Variants in TMEM117 observed in about 807,000 individuals in gnomAD.
The protein encoded by TMEM117 is transmembrane protein 117.
TMEM117 carries 27 observed loss-of-function variants against 52.4 expected under a neutral mutation model. The observed-to-expected ratio is 0.51, with a 90% CI of 0.38 to 0.71. The LOEUF (loss-of-function observed/expected upper bound fraction) is 0.71, where lower values mean the gene tolerates loss of function less well. Ranked by LOEUF, TMEM117 falls within the 30% of genes least tolerant of loss-of-function variation. TMEM117 has a pLI of 0.00. For missense variants in TMEM117, 556 were observed against 630.5 expected (o/e 0.88, Z 1.26); for synonymous variants, 215 against 206.3 (o/e 1.04, Z -0.36).
intron 1 of TMEM117, among the ~76,000 whole-genome samples, chr12:43,839,304 C>T (rs1232906997): frequency 6.6e-6 from 1 of 152,136 alleles, no homozygotes; most frequent in Non-Finnish European, 1.5e-5. Flanking sequence ...GCTTCCTGTC[C>T]CACTCAGGGT....
At position 44,017,971 on chromosome 12, in the gene TMEM117, C is replaced by T. The variant is rs550431422; in HGVS notation, c.410+73629C>T. On this transcript the variant is annotated intron_variant, in intron 3 of 7. Transcript: ENST00000266534. ...TAAGTACTTCTGTCTACATAAGTCACATACTAATTAGTAATTAACCACTGT... is the reference window on the plus strand; with the variant it reads ...TAAGTACTTCTGTCTACATAAGTCATATACTAATTAGTAATTAACCACTGT... 2.0e-5 allele frequency among the ~76,000 whole-genome samples: 3 copies of T among 152,188 alleles called. No homozygotes were observed. The South Asian group carries it at 6.2e-4, about 32-fold the overall frequency.
At chr12:43,806,910 G>C in the TMEM117 span, among the ~76,000 whole-genome samples, 1 of 152,190 alleles carries the variant, frequency 6.6e-6, no homozygotes, top group East Asian at 1.9e-4. Flanking sequence ...GCCACTAAGA[G>C]ATTAGCTGAT....
At chr12:44,075,857 A>G (rs971231675) in intron 3 of TMEM117, among the ~76,000 whole-genome samples, 1 of 152,164 alleles carries the variant, frequency 6.6e-6, no homozygotes, top group Non-Finnish European at 1.5e-5. Flanking sequence ...GTAGTATCAT[A>G]TGAAGATGGT....
chr12:44,223,026 T>G (rs951198027), intron 5 of TMEM117, among the ~76,000 whole-genome samples: 8 of 152,110 alleles, frequency 5.3e-5, no homozygotes, highest in Non-Finnish European at 1.0e-4. Context: ...TCCTTTTTTT[T>G]TTTTTTTAGT....
intron 6 of TMEM117, among the ~76,000 whole-genome samples, chr12:44,366,768 C>A (rs1452884896): frequency 1.3e-5 from 2 of 152,150 alleles, no homozygotes; most frequent in Non-Finnish European, 2.9e-5. Flanking sequence ...AGAAACCACA[C>A]TGGGTACAAA....
At chr12:44,205,754 AAAAT>A (rs759817131) in intron 4 of TMEM117, among the ~76,000 whole-genome samples, 2 of 152,194 alleles carry the variant, frequency 1.3e-5, no homozygotes, top group Non-Finnish European at 2.9e-5. Context: ...AAAAAGAAAA[AAAAT>A]GACAGATGCC....
At position 44,042,742 on chromosome 12, in the gene TMEM117, A is replaced by T. The variant is rs1001230024; in HGVS notation, c.410+98400A>T. On this transcript the variant is annotated intron_variant, in intron 3 of 7. Coordinates refer to ENST00000266534, the MANE Select transcript of TMEM117 (RefSeq NM_032256.3). ...CTATTGTGGGACCTTGTGATTGTGT[A>T]AGTTAATCCTTAATAAACTACACAC... Among the ~76,000 whole-genome samples the T allele has an allele frequency of 6.3e-5, 9 of 143,166 alleles. No individual in the cohort carries two copies. The Admixed American group carries it at 6.5e-4, about 10-fold the overall frequency. The allele number at this position is 143,166 out of a possible 152,430, so 93.9% of individuals were successfully genotyped here.
the TMEM117 span, among the ~76,000 whole-genome samples, chr12:43,820,447 G>C: frequency 6.6e-6 from 1 of 151,888 alleles, no homozygotes; most frequent in African/African-American, 2.4e-5. Context: ...CTAATTTTTT[G>C]TATTTTTAGT....
intron 6 of TMEM117, among the ~76,000 whole-genome samples, chr12:44,351,567 T>A (rs142699325): frequency 1.7e-3 from 258 of 152,166 alleles, no homozygotes; most frequent in Middle Eastern, 3.4e-3. Context: ...GTTTCATTCT[T>A]CTGCATATGG....
At chr12:44,196,861 A>G (rs1019847391) in intron 4 of TMEM117, among the ~76,000 whole-genome samples, 6 of 152,218 alleles carry the variant, frequency 3.9e-5, no homozygotes, top group South Asian at 2.1e-4. Flanking sequence ...TAATCTTTCA[A>G]ATTCTGAAAA....
At chr12:44,247,693 TGACC>T (rs1269983840) in intron 5 of TMEM117, among the ~76,000 whole-genome samples, 1 of 152,228 alleles carries the variant, frequency 6.6e-6, no homozygotes, top group Non-Finnish European at 1.5e-5. Flanking sequence ...GCGCAAACCT[TGACC>T]TCTTAATCGG....
intron 3 of TMEM117, among the ~76,000 whole-genome samples, chr12:44,079,752 C>T (rs944882052): frequency 2.0e-4 from 31 of 152,134 alleles, no homozygotes; most frequent in South Asian, 6.2e-4. Flanking sequence ...TGCAGTGGCT[C>T]ATGCCTGATA....
At chr12:44,274,201 C>A (rs1297943223) in intron 5 of TMEM117, among the ~76,000 whole-genome samples, 1 of 151,746 alleles carries the variant, frequency 6.6e-6, no homozygotes, top group African/African-American at 2.4e-5. Flanking sequence ...AAAAGTAATC[C>A]CAGTGGCCAC....
intron 4 of TMEM117, 21 bp downstream of exon 4, chr12:44,143,645 C>T (rs1333142858): frequency 5.7e-6 from 9 of 1,566,064 alleles, no homozygotes; most frequent in Non-Finnish European, 7.9e-6. Flanking sequence ...TTTAACTTCA[C>T]CCATTTCAAA....
intron 3 of TMEM117, among the ~76,000 whole-genome samples, chr12:43,956,318 T>G (rs1025701372): frequency 1.3e-5 from 2 of 152,124 alleles, no homozygotes; most frequent in Non-Finnish European, 2.9e-5. Flanking sequence ...AAAGAGCTTC[T>G]GCACAGTGAA....
chr12:44,159,710 A>G (rs1432587113), intron 4 of TMEM117, among the ~76,000 whole-genome samples: 1 of 152,188 alleles, frequency 6.6e-6, no homozygotes, highest in Admixed American at 6.5e-5. Flanking sequence ...AAACATAAGT[A>G]TATTTATGGT....
intron 3 of TMEM117, among the ~76,000 whole-genome samples, chr12:44,031,056 T>G (rs2137868319): frequency 6.6e-6 from 1 of 152,248 alleles, no homozygotes; most frequent in Admixed American, 6.5e-5. Flanking sequence ...GTCTATAAGG[T>G]TTTATTAAGA....
intron 6 of TMEM117, among the ~76,000 whole-genome samples, chr12:44,355,072 C>G (rs910408513): frequency 1.1e-4 from 16 of 151,930 alleles, no homozygotes; most frequent in African/African-American, 3.6e-4. Flanking sequence ...ATATGATATT[C>G]TGTTTTTATT....
chr12:44,201,698 A>G (rs1235128480), intron 4 of TMEM117, among the ~76,000 whole-genome samples: 1 of 152,182 alleles, frequency 6.6e-6, no homozygotes, highest in Non-Finnish European at 1.5e-5. Context: ...TAAGGAAAAA[A>G]TGTGACCCAA....
Sources: gnomAD v4.1 joint callset for allele counts (sites outside exome capture counted in the v4.1 genomes callset) on GRCh38, gnomAD v4.1.1 for gene constraint, MANE v1.5 for transcripts, NCBI Gene and HGNC (gene_info 2026-07-23, HGNC 2026-07-21) for gene names.